Variants in TSPAN13 observed in about 807,000 individuals in gnomAD.
TSPAN13 encodes the protein tetraspanin-13.
TSPAN13 carries 18 observed loss-of-function variants against 26.9 expected under a neutral mutation model. That is an observed-to-expected ratio of 0.67 (90% CI 0.46 to 0.99). The LOEUF (loss-of-function observed/expected upper bound fraction) is 0.99, where lower values mean the gene tolerates loss of function less well. Ranked by LOEUF, TSPAN13 falls within the 50% of genes least tolerant of loss-of-function variation. The probability of loss-of-function intolerance (pLI) is 0.00; values close to 1 mark genes in which losing one functional copy is unlikely to be tolerated. For missense variants in TSPAN13, 201 were observed against 249.6 expected (o/e 0.81, Z 1.31); for synonymous variants, 116 against 98.4 (o/e 1.18, Z -1.06).
intron 1 of TSPAN13, among the ~76,000 whole-genome samples, chr7:16,762,848 T>C (rs1784559962): frequency 6.6e-6 from 1 of 152,122 alleles, no homozygotes; most frequent in African/African-American, 2.4e-5. Context: ...TGTCTTTCCT[T>C]GTAAAGCCTT....
intron 1 of TSPAN13, chr7:16,775,972 A>G: frequency 4.9e-6 from 2 of 408,634 alleles, no homozygotes; most frequent in Non-Finnish European, 8.6e-6. Flanking sequence ...AATTTTGCGT[A>G]TTATCAGTCT....
chr7:16,776,188 C>G lies in TSPAN13; in HGVS notation c.64-23C>G, dbSNP rs773261534. The G allele has an allele frequency of 5.2e-5, 84 of 1,611,000 alleles. No homozygotes were observed. In the Admixed American group the frequency reaches 6.7e-4, roughly 13 times the overall value. On this transcript the variant is annotated intron_variant, in intron 1 of 5. Transcript: ENST00000262067. ...CTCTCCTCTCTCTCGTCCTCTACCC[C>G]TGCCCCCTGGGTGTTTTTGCAGTTG...
intron 1 of TSPAN13, among the ~76,000 whole-genome samples, chr7:16,773,421 T>G (rs911973428): frequency 1.3e-5 from 2 of 152,182 alleles, no homozygotes; most frequent in Non-Finnish European, 2.9e-5. Flanking sequence ...AAATAGTTAT[T>G]GGAACACAGC....
chr7:16,755,657 A>C (rs1314452324), intron 1 of TSPAN13, among the ~76,000 whole-genome samples: 1 of 151,426 alleles, frequency 6.6e-6, no homozygotes, highest in Non-Finnish European at 1.5e-5. Context: ...TGTTTGCCAG[A>C]CACTTAGTCT....
intron 5 of TSPAN13, among the ~76,000 whole-genome samples, chr7:16,780,576 A>C (rs938494913): frequency 3.3e-5 from 5 of 152,206 alleles, no homozygotes; most frequent in Admixed American, 3.3e-4. Context: ...TTTTGTTTAA[A>C]AACCATAGAT....
intron 1 of TSPAN13, among the ~76,000 whole-genome samples, chr7:16,757,517 G>T (rs530847240): frequency 6.6e-6 from 1 of 152,038 alleles, no homozygotes; most frequent in South Asian, 2.1e-4. Context: ...CAAAAAAAAG[G>T]TAGCTGACTT....
chr7:16,762,284 CT>C (rs1418764764), intron 1 of TSPAN13, among the ~76,000 whole-genome samples: 3 of 152,190 alleles, frequency 2.0e-5, no homozygotes, highest in African/African-American at 7.2e-5. Flanking sequence ...ATCATGTGCT[CT>C]TTGATTCAGC....
chr7:16,777,549 A>G (rs1029865234), intron 3 of TSPAN13, among the ~76,000 whole-genome samples: 2 of 152,184 alleles, frequency 1.3e-5, no homozygotes, highest in Non-Finnish European at 2.9e-5. Flanking sequence ...ATGCCTTTGA[A>G]CCAAGTGCTT....
intron 1 of TSPAN13, among the ~76,000 whole-genome samples, chr7:16,772,588 T>C (rs779916931): frequency 9.9e-5 from 15 of 152,216 alleles, no homozygotes; most frequent in Non-Finnish European, 2.2e-4. Flanking sequence ...CTAATTTCCC[T>C]GTGCCTCTCT....
intron 1 of TSPAN13, among the ~76,000 whole-genome samples, chr7:16,766,935 TTCTC>T (rs1784610009): frequency 6.6e-6 from 1 of 152,174 alleles, no homozygotes; most frequent in African/African-American, 2.4e-5. Context: ...AGTGTTTTTT[TTCTC>T]TCTCTCTTTC....
intron 1 of TSPAN13, 32 bp from the exon 2 acceptor site, chr7:16,776,179 C>T (rs1784741616): frequency 1.9e-6 from 3 of 1,607,824 alleles, no homozygotes; most frequent in Admixed American, 1.7e-5. Flanking sequence ...TCTCTCTCGT[C>T]CTCTACCCCT....
At chr7:16,779,776 CTT>C (rs34638889) in intron 5 of TSPAN13, among the ~76,000 whole-genome samples, 9 of 143,100 alleles carry the variant, frequency 6.3e-5, no homozygotes, top group Non-Finnish European at 7.6e-5. Flanking sequence ...GATTAATATT[CTT>C]TTTTTTTTTT....
chr7:16,776,434 C>G (rs1005193103), intron 2 of TSPAN13, 56 bp downstream of exon 2: 1 of 1,527,700 alleles, frequency 6.5e-7, no homozygotes, highest in Admixed American at 1.9e-5. Flanking sequence ...ATGGTTACAA[C>G]TAATTTAATA....
intron 1 of TSPAN13, among the ~76,000 whole-genome samples, chr7:16,763,381 C>T (rs771638840): frequency 3.3e-5 from 5 of 152,136 alleles, no homozygotes; most frequent in Non-Finnish European, 5.9e-5. Flanking sequence ...CAGGATACTT[C>T]ATGGGTTATA....
At chr7:16,778,003 T>C in intron 4 of TSPAN13, 92 bp downstream of exon 4, 10 of 863,120 alleles carry the variant, frequency 1.2e-5, no homozygotes, top group Non-Finnish European at 1.8e-5. Flanking sequence ...TGCTGAATTG[T>C]ATTTTCAGGA....
At chr7:16,774,296 C>A (rs1168311025) in intron 1 of TSPAN13, among the ~76,000 whole-genome samples, 1 of 152,128 alleles carries the variant, frequency 6.6e-6, no homozygotes, top group African/African-American at 2.4e-5. Flanking sequence ...AGATGTATTT[C>A]CTATTGGTTC....
intron 1 of TSPAN13, among the ~76,000 whole-genome samples, chr7:16,766,563 C>T (rs1052663820): frequency 3.3e-5 from 5 of 152,176 alleles, no homozygotes; most frequent in Admixed American, 6.5e-5. Context: ...CTGTTGCCTT[C>T]AGTTGTATAC....
rs1321441969 is a variant in TSPAN13 at position 16,772,299 on chromosome 7, A to G, written c.64-3912A>G. ...ACAGTGAGAGGTTCCTGATTTGTCA[A>G]ACTCCAAATAGGTGAATTGTTCTGT... is the stretch of plus-strand genomic sequence containing the variant. On this transcript the variant is annotated intron_variant, in intron 1 of 5. Transcript: ENST00000262067. Among the ~76,000 whole-genome samples the G allele has an allele frequency of 2.0e-5, 3 of 152,166 alleles. No homozygotes were observed. In the East Asian group the frequency reaches 5.8e-4, roughly 29 times the overall value.
At chr7:16,766,806 TAGTA>T (rs1784608255) in intron 1 of TSPAN13, among the ~76,000 whole-genome samples, 3 of 152,294 alleles carry the variant, frequency 2.0e-5, no homozygotes, top group South Asian at 4.1e-4. Flanking sequence ...ATTGGTGACT[TAGTA>T]AGAAGGGGGT....
Sources: gnomAD v4.1 joint callset for allele counts (sites outside exome capture counted in the v4.1 genomes callset) on GRCh38, gnomAD v4.1.1 for gene constraint, MANE v1.5 for transcripts, NCBI Gene and HGNC (gene_info 2026-07-23, HGNC 2026-07-21) for gene names.